The following BLK variants were observed in gnomAD, a reference collection of about 807,000 sequenced individuals.
BLK encodes BLK proto-oncogene, Src family tyrosine kinase.
Under a neutral mutation model 61.8 loss-of-function variants are expected in BLK, and 64 were observed. The observed-to-expected ratio is 1.03, with a 90% CI of 0.85 to 1.27. The LOEUF (loss-of-function observed/expected upper bound fraction) is 1.27. Among genes scored for constraint, BLK ranks in the 50% most tolerant of loss-of-function variants. The probability of loss-of-function intolerance (pLI) is 0.00; values close to 1 mark genes in which losing one functional copy is unlikely to be tolerated. For missense variants in BLK, 853 were observed against 660.5 expected, an observed-to-expected ratio of 1.29 and a Z score of -3.19; for synonymous variants, 351 against 272.0, an observed-to-expected ratio of 1.29 and a Z score of -2.86.
intron 1 of BLK, among the ~76,000 whole-genome samples, chr8:11,498,101 C>A (rs1798421983): frequency 6.6e-6 from 1 of 152,210 alleles, no homozygotes; most frequent in South Asian, 2.1e-4. Flanking sequence ...CACGTTCCTT[C>A]TCATCACAAC....
At chr8:11,541,507 T>C (rs1248606472) in intron 1 of BLK, among the ~76,000 whole-genome samples, 1 of 151,920 alleles carries the variant, frequency 6.6e-6, no homozygotes, top group Non-Finnish European at 1.5e-5. Flanking sequence ...TCTCTTTTTT[T>C]TTTTTTTCGA....
In BLK at chr8:11,556,890, T is replaced by C. The variant is rs1801262199; in HGVS notation, c.952+53T>C. ...CAGAGCGAGGCGGGAGGGCCGGGCT[T>C]AGCAGGAGGAGGAGGGTCCGCTGCG... On this transcript the variant is annotated intron_variant, in intron 9 of 12. Transcript: ENST00000259089. 3.8e-6 allele frequency: 6 copies of C among 1,595,242 alleles called. No homozygotes were observed. The South Asian group carries it at 6.7e-5, about 18-fold the overall frequency.
intron 1 of BLK, among the ~76,000 whole-genome samples, chr8:11,534,162 A>G (rs965158977): frequency 1.3e-5 from 2 of 152,356 alleles, no homozygotes; most frequent in African/African-American, 4.8e-5. Flanking sequence ...TTTCAGAACT[A>G]TTGTGCCAAA....
chr8:11,545,648 A>G, intron 2 of BLK: 1 of 301,444 alleles, frequency 3.3e-6, no homozygotes, highest in Non-Finnish European at 6.6e-6. Flanking sequence ...TCTCTACAGG[A>G]TATATACCTA....
In BLK at chr8:11,554,854, T is replaced by G. The variant is rs750129465; in HGVS notation, c.584T>G (p.Phe195Cys). Residue 195 changes from phenylalanine to cysteine, a missense_variant, in exon 7 of 13, where the codon TTC (phenylalanine) becomes TGC (cysteine). By Grantham distance (205) the Phe-to-Cys change is radical. Coordinates refer to ENST00000259089, the MANE Select transcript of BLK (RefSeq NM_001715.3). ...GGYYISPRIT[F>C]PSLQALVQHY... ...TACTACATCTCCCCCCGGATCACCT[T>G]CCCCTCGCTCCAGGCCCTGGTGCAG... 6.2e-7 allele frequency: 1 copy of G among 1,613,710 alleles called. No homozygotes were observed. Among genetic ancestry groups the G allele is most frequent in the South Asian group, 1.1e-5 (1 of 91,064 alleles).
rs1212658073 is a variant in BLK, at chr8:11,494,447, G to T, written c.-146G>T. 3 of 152,302 alleles carry T rather than the reference G, an allele frequency of 2.0e-5. No individual in the cohort carries two copies. The highest frequency in any genetic ancestry group is 7.2e-5 in the African/African-American group (3 of 41,464). The allele number at this position is 152,302 out of a possible 1,614,324, so 9.4% of individuals were successfully genotyped here. On this transcript the variant is annotated 5_prime_UTR_variant, in exon 1 of 13. Transcript: ENST00000259089. ...CAGAAAGCCACAAGCCATGAAAACT[G>T]ATTGAGATGAGAAGAATTCATCTGG...
rs771644484 is a variant in BLK at position 11,564,516 on chromosome 8, C to G, written c.*408C>G. 1 of 492,100 alleles carries G rather than the reference C, an allele frequency of 2.0e-6. No homozygotes were observed. Among genetic ancestry groups the G allele is most frequent in the South Asian group, 1.5e-5 (1 of 64,728 alleles). 30.5% of individuals were successfully genotyped at this position (492,100 alleles called of 1,614,324 possible). Reference sequence around the variant, plus strand: ...CCGCTACAGAAGCCAGACTGGGTCCCGCGGACGCCAGCAGGGGCAGCCCCA... The same window carrying G: ...CCGCTACAGAAGCCAGACTGGGTCCGGCGGACGCCAGCAGGGGCAGCCCCA... On this transcript the variant is annotated 3_prime_UTR_variant, in exon 13 of 13. Transcript: ENST00000259089.
intron 9 of BLK, among the ~76,000 whole-genome samples, chr8:11,557,048 T>C (rs999278433): frequency 1.3e-5 from 2 of 152,060 alleles, no homozygotes; most frequent in Admixed American, 1.3e-4. Flanking sequence ...GACAGAGCCA[T>C]GTTCTCAGCC....
chr8:11,563,245 A>T (rs1167271554), intron 12 of BLK, 135 bp downstream of exon 12: 1 of 1,325,104 alleles, frequency 7.5e-7, no homozygotes, highest in South Asian at 1.4e-5. Context: ...AGACCCAGGC[A>T]TGGCATCTGG....
intron 1 of BLK, chr8:11,509,827 C>T (rs1258602618): frequency 6.6e-6 from 1 of 152,282 alleles, no homozygotes; most frequent in East Asian, 1.9e-4. Context: ...AACACTTTTA[C>T]CTAAGAGCTA....
At chr8:11,512,351 T>C (rs369516559) in intron 1 of BLK, among the ~76,000 whole-genome samples, 12 of 152,296 alleles carry the variant, frequency 7.9e-5, no homozygotes, top group Middle Eastern at 3.4e-3. Flanking sequence ...GTCTAGCCAA[T>C]ATCATTATAA....
intron 1 of BLK, among the ~76,000 whole-genome samples, chr8:11,510,981 C>G (rs1798981059): frequency 6.6e-6 from 1 of 152,136 alleles, no homozygotes; most frequent in South Asian, 2.1e-4. Context: ...ACATGGATCC[C>G]CGTAAGCTTT....
chr8:11,548,540 T>C (rs767113082), intron 4 of BLK, among the ~76,000 whole-genome samples: 17 of 152,228 alleles, frequency 1.1e-4, no homozygotes, highest in Non-Finnish European at 2.1e-4. Flanking sequence ...CTTTAGCTCA[T>C]TTCCCATGTC....
intron 11 of BLK, 70 bp from the exon 12 acceptor site, chr8:11,562,909 G>A: frequency 1.2e-6 from 2 of 1,604,792 alleles, no homozygotes; most frequent in Non-Finnish European, 1.7e-6. Flanking sequence ...AGGAGCAGGG[G>A]TAGGGGTGAG....
chr8:11,563,110 G>C lies in BLK; in HGVS notation c.1312G>C (p.Gly438Arg), dbSNP rs748686075. ...CACTTATGGGCGGGTGCCATACCCAGGTAGGTGGCTCACCCCGCAGCTCGC... is the reference window on the plus strand; with the variant it reads ...CACTTATGGGCGGGTGCCATACCCACGTAGGTGGCTCACCCCGCAGCTCGC... ...VVTYGRVPYPGMSNPEVIRNL... is the reference protein window; with the variant it reads ...VVTYGRVPYPRMSNPEVIRNL... The change falls in exon 12 of 13, where the codon GGG (glycine) becomes CGG (arginine). Residue 438 changes from glycine to arginine, a missense_variant and splice_region_variant. Coordinates refer to ENST00000259089, the MANE Select transcript of BLK (RefSeq NM_001715.3). 8.7e-6 allele frequency: 14 copies of C among 1,613,734 alleles called. No homozygotes were observed. The highest frequency in any genetic ancestry group is 1.2e-5 in the Non-Finnish European group (14 of 1,180,028).
intron 8 of BLK, 124 bp downstream of exon 8, chr8:11,555,608 C>A (rs1310659508): frequency 1.4e-6 from 2 of 1,442,552 alleles, no homozygotes; most frequent in African/African-American, 1.4e-5. Context: ...GGAGCGAGGA[C>A]AGAGGCGAGG....
At chr8:11,510,973 A>T (rs764556913) in intron 1 of BLK, among the ~76,000 whole-genome samples, 25 of 152,216 alleles carry the variant, frequency 1.6e-4, no homozygotes, top group Non-Finnish European at 2.6e-4. Context: ...TTTAAAACAC[A>T]TGGATCCCCG....
At chr8:11,498,150 G>A (rs910269826) in intron 1 of BLK, among the ~76,000 whole-genome samples, 3 of 152,206 alleles carry the variant, frequency 2.0e-5, no homozygotes, top group Non-Finnish European at 4.4e-5. Flanking sequence ...CACCTAGGAT[G>A]CTGAACCTGG....
chr8:11,530,798 C>A (rs1171136552), intron 1 of BLK, among the ~76,000 whole-genome samples: 1 of 152,142 alleles, frequency 6.6e-6, no homozygotes, highest in East Asian at 1.9e-4. Context: ...CAGCTGGGAG[C>A]TAATTAATAT....
Sources: allele counts gnomAD v4.1 joint callset (sites outside exome capture counted in the v4.1 genomes callset), GRCh38; gene constraint gnomAD v4.1.1; transcripts MANE v1.5; gene names NCBI Gene and HGNC (gene_info 2026-07-23, HGNC 2026-07-21).